The following ZC3H14 variants were observed in gnomAD, a reference collection of about 807,000 sequenced individuals.
ZC3H14 encodes the protein zinc finger CCCH domain-containing protein 14.
Under a neutral mutation model 92.4 loss-of-function variants are expected in ZC3H14, and 31 were observed. The observed-to-expected ratio is 0.34, with a 90% confidence interval of 0.25 to 0.45. ZC3H14 has a LOEUF of 0.45. ZC3H14 is among the 20% of genes least tolerant of loss of function. The pLI, the probability that ZC3H14 is intolerant of heterozygous loss-of-function variation, is 1.00. For missense variants in ZC3H14, 781 were observed against 897.3 expected (o/e 0.87, Z 1.66); for synonymous variants, 321 against 300.9 (o/e 1.07, Z -0.69).
chr14:88,565,294 A>G lies in ZC3H14; in HGVS notation c.79+1601A>G, dbSNP rs539305166. 3.0e-4 allele frequency among the ~76,000 whole-genome samples: 45 copies of G among 152,102 alleles called. 1 individual carries two copies. In the South Asian group the frequency reaches 8.7e-3, roughly 29 times the overall value. On this transcript the variant is annotated intron_variant, in intron 2 of 16. Coordinates refer to ENST00000251038, the MANE Select transcript of ZC3H14 (RefSeq NM_024824.5). Reference sequence around the variant, plus strand: ...GTAGCTGGGATTACAGGCATCTGCCACTACACCCAGCTAATTTTTTGTATT... The same window carrying G: ...GTAGCTGGGATTACAGGCATCTGCCGCTACACCCAGCTAATTTTTTGTATT...
intron 10 of ZC3H14, among the ~76,000 whole-genome samples, chr14:88,599,430 C>T (rs1247209310): frequency 1.3e-5 from 2 of 152,126 alleles, no homozygotes; most frequent in Non-Finnish European, 2.9e-5. Context: ...AAAGTAAATG[C>T]ATGGGGTCAG....
At position 88,572,822 on chromosome 14, in the gene ZC3H14, G is replaced by T; in HGVS notation, c.676G>T (p.Gly226Cys). ...RPPASRNADSGVHLNRLQFQQ... is the reference protein window; with the variant it reads ...RPPASRNADSCVHLNRLQFQQ... The stretch of plus-strand genomic sequence containing the variant: ...ACCTGCAAGTAGAAATGCAGATAGT[G>T]GTGTTCATTTAAACAGGTTGCAATT... Residue 226 changes from glycine (G) to cysteine (C), a missense_variant, in exon 6 of 17, where the codon GGT becomes TGT. Coordinates refer to ENST00000251038, the MANE Select transcript of ZC3H14 (RefSeq NM_024824.5). 4.3e-6 allele frequency: 7 copies of T among 1,614,138 alleles called. No individual in the cohort carries two copies. The highest frequency in any genetic ancestry group is 5.9e-6 in the Non-Finnish European group (7 of 1,180,032).
At chr14:88,596,665 T>G in intron 9 of ZC3H14, 69 bp from the exon 10 acceptor site, 4 of 1,367,082 alleles carry the variant, frequency 2.9e-6, no homozygotes, top group Non-Finnish European at 4.2e-6. Context: ...GAAGGATTGA[T>G]TTTTGGGAAC....
At chr14:88,611,106 G>T (rs538620445) in intron 16 of ZC3H14, among the ~76,000 whole-genome samples, 166 bp downstream of exon 16, 71 of 152,092 alleles carry the variant, frequency 4.7e-4, no homozygotes, top group Non-Finnish European at 9.3e-4. Flanking sequence ...TTTACTACAT[G>T]GGCTAAATTT....
Position 88,616,417 on chromosome 14 carries a change from G to T in ZC3H14, c.*4666G>T. ...TAGTGGATCTGCAAAACCAGGCTGT[G>T]TGGGCAGTCAGATGTCTCCAGGTAC... On this transcript the variant is annotated 3_prime_UTR_variant, in exon 17 of 17. Coordinates refer to ENST00000251038, the MANE Select transcript of ZC3H14 (RefSeq NM_024824.5). The T allele has an allele frequency of 1.5e-6, 1 of 664,834 alleles. No homozygotes were observed. The highest frequency in any genetic ancestry group is 2.6e-6 in the Non-Finnish European group (1 of 390,336). 41.2% of individuals were successfully genotyped at this position (664,834 alleles called of 1,614,324 possible).
intron 2 of ZC3H14, 32 bp from the exon 3 acceptor site, chr14:88,568,007 C>A (rs769957554): frequency 6.3e-7 from 1 of 1,586,316 alleles, no homozygotes; most frequent in East Asian, 2.2e-5. Context: ...TTTGAGGAAA[C>A]AAAGTTTTGA....
At chr14:88,566,686 G>T (rs138823555) in intron 2 of ZC3H14, among the ~76,000 whole-genome samples, 6 of 152,142 alleles carry the variant, frequency 3.9e-5, no homozygotes, top group Admixed American at 3.9e-4. Flanking sequence ...TTGGGAGGCC[G>T]AGGTGGGTGG....
intron 9 of ZC3H14, among the ~76,000 whole-genome samples, chr14:88,595,724 TAATGA>T (rs1219986970): frequency 6.6e-6 from 1 of 152,244 alleles, no homozygotes; most frequent in East Asian, 1.9e-4. Flanking sequence ...AAACACCTTT[TAATGA>T]AATGTGGTGC....
chr14:88,608,927 A>T (rs1218471365), intron 13 of ZC3H14: 4 of 292,566 alleles, frequency 1.4e-5, no homozygotes, highest in Non-Finnish European at 2.6e-5. Flanking sequence ...TTTTTGTATC[A>T]CAAAGCCTTG....
At chr14:88,595,694 G>T (rs1485314646) in intron 9 of ZC3H14, among the ~76,000 whole-genome samples, 1 of 152,202 alleles carries the variant, frequency 6.6e-6, no homozygotes, top group Non-Finnish European at 1.5e-5. Context: ...TTCAAATCGA[G>T]TATAGGTTTT....
rs1466072476 is a variant in ZC3H14 at position 88,622,757 on chromosome 14, G to C, written c.*11006G>C. The C allele has an allele frequency of 7.0e-7, 1 of 1,425,018 alleles. No individual in the cohort carries two copies. Among genetic ancestry groups the C allele is most frequent in the East Asian group, 2.4e-5 (1 of 41,208 alleles). The allele number at this position is 1,425,018 out of a possible 1,614,324, so 88.3% of individuals were successfully genotyped here. A position where few individuals can be genotyped will look rare whatever the true frequency, so the allele number is the denominator to read the frequency against. Reference sequence around the variant, plus strand: ...CAAGCCAGAGTAAGTGTTCATTATTGGCTACTATAATTTTTATTATAAACA... The same window carrying C: ...CAAGCCAGAGTAAGTGTTCATTATTCGCTACTATAATTTTTATTATAAACA... On this transcript the variant is annotated 3_prime_UTR_variant, in exon 17 of 17. Transcript: ENST00000251038.
chr14:88,621,325 C>T lies in ZC3H14; in HGVS notation c.*9574C>T. The T allele has an allele frequency of 6.2e-7, 1 of 1,612,808 alleles. No individual in the cohort carries two copies. The highest frequency in any genetic ancestry group is 1.1e-5 in the South Asian group (1 of 91,068). Reference sequence around the variant, plus strand: ...CCCTGAAACACAAGCAGGACCAATACAGTGAATGTAATACAACAGCTGCTT... The same window carrying T: ...CCCTGAAACACAAGCAGGACCAATATAGTGAATGTAATACAACAGCTGCTT... On this transcript the variant is annotated 3_prime_UTR_variant, in exon 17 of 17. Transcript: ENST00000251038.
chr14:88,620,749 C>A lies in ZC3H14; in HGVS notation c.*8998C>A. 1 of 1,575,490 alleles carries A rather than the reference C, an allele frequency of 6.3e-7. No homozygotes were observed. The highest frequency in any genetic ancestry group is 1.2e-5 in the South Asian group (1 of 83,362). The stretch of plus-strand genomic sequence containing the variant: ...CTAGAAACTCTATTCCATTTGTTCA[C>A]TAACCTGATATCATGGATTGCACAT... On this transcript the variant is annotated 3_prime_UTR_variant, in exon 17 of 17. Coordinates refer to ENST00000251038, the MANE Select transcript of ZC3H14 (RefSeq NM_024824.5). The surrounding 1 kb of genome is among the most constrained non-coding windows in gnomAD (Gnocchi z 4.3).
rs1050916939 is a variant in ZC3H14, at chr14:88,622,339, T to C, written c.*10588T>C. The stretch of plus-strand genomic sequence containing the variant: ...GTCAACTGCCAAGGGCTTTCAATTA[T>C]GTCTACTAGAGTTGTTAAATTGGCA... On this transcript the variant is annotated 3_prime_UTR_variant, in exon 17 of 17. Transcript: ENST00000251038. 7 of 316,436 alleles carry C rather than the reference T, an allele frequency of 2.2e-5. No individual in the cohort carries two copies. The highest frequency in any genetic ancestry group is 1.3e-4 in the African/African-American group (6 of 46,902). 19.6% of individuals were successfully genotyped at this position (316,436 alleles called of 1,614,324 possible). A position where few individuals can be genotyped will look rare whatever the true frequency, so the allele number is the denominator to read the frequency against.
chr14:88,624,826 A>G lies in ZC3H14; in HGVS notation c.*13075A>G. On this transcript the variant is annotated 3_prime_UTR_variant, in exon 17 of 17. Transcript: ENST00000251038. ...GAAATGAGAATCAAATAGAAGGCAC[A>G]TAAAAGGTAATAAAGGAGAAGCATA... 2.2e-6 allele frequency: 2 copies of G among 889,080 alleles called. No individual in the cohort carries two copies. Among genetic ancestry groups the G allele is most frequent in the Non-Finnish European group, 1.7e-6 (1 of 598,386 alleles). 55.1% of individuals were successfully genotyped at this position (889,080 alleles called of 1,614,324 possible).
intron 9 of ZC3H14, chr14:88,589,719 C>G (rs565167785): frequency 1.3e-5 from 2 of 152,378 alleles, no homozygotes; most frequent in East Asian, 1.9e-4. Flanking sequence ...CTTCTCCTTT[C>G]CTTCCTCTTC....
At position 88,600,622 on chromosome 14, in the gene ZC3H14, T is replaced by C. The variant is rs145086789; in HGVS notation, c.1355-1302T>C. Among the ~76,000 whole-genome samples the C allele has an allele frequency of 1.4e-4, 22 of 152,170 alleles. No homozygotes were observed. In the East Asian group the frequency reaches 3.5e-3, roughly 24 times the overall value. On this transcript the variant is annotated intron_variant, in intron 10 of 16. Coordinates refer to ENST00000251038, the MANE Select transcript of ZC3H14 (RefSeq NM_024824.5). ...ACGCCTGGCTAATTTTATTTATTTA[T>C]TTATTTTCTGGTTGATGGGAGGTCT...
intron 2 of ZC3H14, among the ~76,000 whole-genome samples, chr14:88,567,125 T>TTTA (rs761149094): frequency 2.3e-4 from 1 of 4,346 alleles, no homozygotes; most frequent in Non-Finnish European, 2.0e-3. Context: ...TATTTATTTA[T>TTTA]TTTTTTTTGA....
intron 9 of ZC3H14, chr14:88,594,963 A>G: frequency 6.2e-7 from 1 of 1,614,016 alleles, no homozygotes; most frequent in Non-Finnish European, 8.5e-7. Context: ...AGAATGAAGC[A>G]AAAATTTCAT....
Sources: allele counts gnomAD v4.1 joint callset (sites outside exome capture counted in the v4.1 genomes callset), GRCh38; gene constraint gnomAD v4.1.1; non-coding constraint Gnocchi (gnomAD v3.1); transcripts MANE v1.5; gene names NCBI Gene and HGNC (gene_info 2026-07-23, HGNC 2026-07-21).